The following PTPRN2 variants were observed in gnomAD, a reference collection of about 807,000 sequenced individuals.
PTPRN2 encodes protein tyrosine phosphatase receptor type N2.
A neutral mutation model predicts 118.8 loss-of-function variants in PTPRN2; 74 were observed. The observed-to-expected ratio is 0.62, with a 90% CI of 0.52 to 0.76. The LOEUF is 0.76. PTPRN2 is among the 30% of genes least tolerant of loss of function. PTPRN2 has a pLI of 0.00. For missense variants in PTPRN2, 1,481 were observed against 1,394.4 expected (o/e 1.06, Z -0.99); for synonymous variants, 641 against 608.0 (o/e 1.05, Z -0.80).
rs1004822224 is a variant in PTPRN2 at position 158,570,884 on chromosome 7, T to C, written c.112+16674A>G. ...CATTGTGGAAAGACACAAACGTGCATGGACCTGGTTACCTCTGGCCTTCCT... is the reference window on the plus strand; with the variant it reads ...CATTGTGGAAAGACACAAACGTGCACGGACCTGGTTACCTCTGGCCTTCCT... On this transcript the variant is annotated intron_variant, in intron 1 of 22. Transcript: ENST00000389418. This position sits in a 1 kb window ranked among gnomAD's most constrained non-coding sequence, Gnocchi z 4.5. Among the ~76,000 whole-genome samples the C allele has an allele frequency of 1.3e-5, 2 of 152,210 alleles. No homozygotes were observed. The highest frequency in any genetic ancestry group is 4.8e-5 in the African/African-American group (2 of 41,448).
chr7:157,914,708 G>A (rs1240026254), intron 11 of PTPRN2, among the ~76,000 whole-genome samples: 1 of 151,910 alleles, frequency 6.6e-6, no homozygotes, highest in African/African-American at 2.4e-5. Context: ...TATGAATCGT[G>A]TGTAAGAGTT....
chr7:157,592,374 G>A (rs945874969), intron 17 of PTPRN2, among the ~76,000 whole-genome samples: 4 of 152,264 alleles, frequency 2.6e-5, no homozygotes, highest in Non-Finnish European at 5.9e-5. Context: ...GCATGTGAGA[G>A]CTTCATGTAG....
At chr7:158,117,335 C>T (rs139450645) in intron 9 of PTPRN2, among the ~76,000 whole-genome samples, 1 of 152,040 alleles carries the variant, frequency 6.6e-6, no homozygotes, top group East Asian at 1.9e-4. Flanking sequence ...AATCAGTGAA[C>T]TTGAAGATAG....
intron 3 of PTPRN2, among the ~76,000 whole-genome samples, chr7:158,209,036 C>T (rs1425087790): frequency 6.7e-6 from 1 of 150,128 alleles, no homozygotes; most frequent in African/African-American, 2.5e-5. Context: ...AACCTCAAAT[C>T]AAAAAACATA....
intron 12 of PTPRN2, among the ~76,000 whole-genome samples, chr7:157,853,080 A>G (rs1809407984): frequency 6.6e-6 from 1 of 152,120 alleles, no homozygotes; most frequent in African/African-American, 2.4e-5. Context: ...CCGCCTCCAG[A>G]TCAGCAGGCA....
intron 2 of PTPRN2, among the ~76,000 whole-genome samples, chr7:158,336,483 C>G (rs1486573312): frequency 7.5e-6 from 1 of 132,636 alleles, no homozygotes; most frequent in African/African-American, 2.8e-5. Context: ...ACCATAAGAG[C>G]TGACGCCCGC....
chr7:158,191,687 T>A (rs1825777498), intron 5 of PTPRN2, among the ~76,000 whole-genome samples: 1 of 152,188 alleles, frequency 6.6e-6, no homozygotes, highest in South Asian at 2.1e-4. Context: ...CTTGGGTGGC[T>A]CTGTGATGCG....
chr7:157,837,149 G>T (rs13246038), intron 12 of PTPRN2, among the ~76,000 whole-genome samples: 1 of 24,942 alleles, frequency 4.0e-5, no homozygotes, highest in East Asian at 1.1e-3. Context: ...CCACACATCC[G>T]CCCTTCCGTG....
chr7:157,751,353 C>T (rs923589354), intron 12 of PTPRN2, among the ~76,000 whole-genome samples: 2 of 152,272 alleles, frequency 1.3e-5, no homozygotes, highest in East Asian at 1.9e-4. Flanking sequence ...ATGCGGCGAA[C>T]GCCCTGGCTG....
Position 157,805,206 on chromosome 7 carries a change from G to A in PTPRN2, c.1788+93467C>T, listed in dbSNP as rs149769925. ...GGAGTCTCTGTTCCTCTCCCCCACA[G>A]TGCTTCTTATACTGTGCATTTGAAA... On this transcript the variant is annotated intron_variant, in intron 12 of 22. Coordinates refer to ENST00000389418, the MANE Select transcript of PTPRN2 (RefSeq NM_002847.5). Among the ~76,000 whole-genome samples, 368 of 152,256 alleles carry A rather than the reference G, an allele frequency of 2.4e-3. 6 individuals are homozygous for A. The highest frequency in any genetic ancestry group is 8.3e-3 in the African/African-American group (346 of 41,538).
In PTPRN2 at chr7:158,468,481, C is replaced by G. The variant is rs567070378; in HGVS notation, c.163+21254G>C. 2.8e-3 allele frequency among the ~76,000 whole-genome samples: 419 copies of G among 152,300 alleles called. 2 individuals carry two copies. Among genetic ancestry groups the G allele is most frequent in the African/African-American group, 9.7e-3 (405 of 41,550 alleles). ...CAAAGCCTGGGTCCCGCCCCCACCC[C>G]GCCCCTCGCCGCCCTCAGCTGACAT... On this transcript the variant is annotated intron_variant, in intron 2 of 22. Coordinates refer to ENST00000389418, the MANE Select transcript of PTPRN2 (RefSeq NM_002847.5).
rs6943598 is a variant in PTPRN2 at position 157,986,503 on chromosome 7, A to G, written c.1724-87766T>C. Among the ~76,000 whole-genome samples, 3,280 of 152,048 alleles carry G rather than the reference A, an allele frequency of 0.022. 116 individuals carry two copies. Among genetic ancestry groups the G allele is most frequent in the African/African-American group, 0.074 (3,085 of 41,464 alleles). On this transcript the variant is annotated intron_variant, in intron 11 of 22. Transcript: ENST00000389418. The surrounding 1 kb of genome is among the most constrained non-coding windows in gnomAD (Gnocchi z 4.5). ...CATCCGTCTCCATCTCCCCAAGCAC[A>G]GGCCATGCCTGCCTCTCCCAGGTGG...
chr7:157,725,721 G>C (rs1170911372), intron 12 of PTPRN2, among the ~76,000 whole-genome samples: 6 of 57,740 alleles, frequency 1.0e-4, no homozygotes, highest in African/African-American at 3.1e-4. Context: ...ATGCAGAGGA[G>C]TGAGCCAGAC....
At chr7:158,027,756 A>C (rs1807387893) in intron 11 of PTPRN2, 1 of 149,404 alleles carries the variant, frequency 6.7e-6, no homozygotes, top group Admixed American at 6.7e-5. Flanking sequence ...GAGCCCTGGC[A>C]TCCTGTGGAA....
At chr7:158,143,969 C>T (rs1249153841) in intron 6 of PTPRN2, among the ~76,000 whole-genome samples, 4 of 152,086 alleles carry the variant, frequency 2.6e-5, no homozygotes, top group African/African-American at 9.7e-5. Context: ...GGACTGCAGC[C>T]CCGGGCCACC....
intron 12 of PTPRN2, among the ~76,000 whole-genome samples, chr7:157,862,256 G>C (rs1810297205): frequency 6.6e-6 from 1 of 152,260 alleles, no homozygotes; most frequent in African/African-American, 2.4e-5. Flanking sequence ...GTCCCATTCT[G>C]AGCTGCCGAG....
chr7:158,153,640 T>C (rs529855455), intron 6 of PTPRN2, among the ~76,000 whole-genome samples: 9 of 152,080 alleles, frequency 5.9e-5, no homozygotes, highest in Non-Finnish European at 8.8e-5. Flanking sequence ...AGAGGAGTGG[T>C]GGGTGGGGGT....
intron 3 of PTPRN2, among the ~76,000 whole-genome samples, chr7:158,239,384 G>GTTCT (rs934988212): frequency 2.6e-5 from 4 of 152,184 alleles, no homozygotes; most frequent in Non-Finnish European, 5.9e-5. Context: ...CCCGGAGCTT[G>GTTCT]TTCTTTCCTG....
intron 6 of PTPRN2, among the ~76,000 whole-genome samples, chr7:158,149,531 C>G (rs1455523108): frequency 6.6e-6 from 1 of 152,190 alleles, no homozygotes; most frequent in South Asian, 2.1e-4. Context: ...CGGCTGGGCG[C>G]AGTGGCTCAT....
Sources: allele counts gnomAD v4.1 joint callset (sites outside exome capture counted in the v4.1 genomes callset), GRCh38; gene constraint gnomAD v4.1.1; non-coding constraint Gnocchi (gnomAD v3.1); transcripts MANE v1.5; gene names NCBI Gene and HGNC (gene_info 2026-07-23, HGNC 2026-07-21).